DLEU7: variants seen among roughly 807,000 people sequenced by gnomAD.
The protein encoded by DLEU7 is deleted in lymphocytic leukemia 7, also known as leukemia-associated protein 7.
DLEU7 carries 17 observed loss-of-function variants against 16.0 expected under a neutral mutation model. That is an observed-to-expected ratio of 1.06 (90% CI 0.73 to 1.59). DLEU7 has a LOEUF of 1.59. DLEU7 is among the 40% of genes most tolerant of loss of function. The pLI is 0.00. For synonymous variants in DLEU7, 113 were observed against 139.8 expected (o/e 0.81, Z 1.35); for missense variants, 308 against 314.9 (o/e 0.98, Z 0.17).
chr13:50,773,554 C>T (rs1875394697), intron 1 of DLEU7, among the ~76,000 whole-genome samples: 1 of 152,172 alleles, frequency 6.6e-6, no homozygotes, highest in African/African-American at 2.4e-5. Context: ...TTGGAGTTTG[C>T]TGGAGGTCCA....
At chr13:50,723,419 C>T (rs1240871376) in intron 1 of DLEU7, among the ~76,000 whole-genome samples, 1 of 133,892 alleles carries the variant, frequency 7.5e-6, no homozygotes, top group Non-Finnish European at 1.7e-5. Context: ...TAATTGTACA[C>T]ACACACACAC....
At chr13:50,827,786 A>G (rs1293932784) in intron 1 of DLEU7, among the ~76,000 whole-genome samples, 1 of 152,190 alleles carries the variant, frequency 6.6e-6, no homozygotes, top group African/African-American at 2.4e-5. Context: ...AAAGCACTAA[A>G]AAAGATAGTA....
At chr13:50,755,493 T>C (rs1874727078) in intron 1 of DLEU7, among the ~76,000 whole-genome samples, 1 of 152,206 alleles carries the variant, frequency 6.6e-6, no homozygotes, top group Admixed American at 6.5e-5. Context: ...GCTGAGACTT[T>C]CCAGAACATT....
intron 1 of DLEU7, among the ~76,000 whole-genome samples, chr13:50,767,344 T>C (rs1875147455): frequency 6.6e-6 from 1 of 150,530 alleles, no homozygotes; most frequent in African/African-American, 2.5e-5. Flanking sequence ...TAGTCCCAGC[T>C]ACGCGGGAGG....
intron 1 of DLEU7, among the ~76,000 whole-genome samples, chr13:50,754,271 T>C (rs548536916): frequency 9.8e-5 from 15 of 152,372 alleles, no homozygotes; most frequent in Non-Finnish European, 1.9e-4. Flanking sequence ...CAGTGGAGTA[T>C]TGAAGTCCCC....
At chr13:50,753,003 G>A (rs761472060) in intron 1 of DLEU7, among the ~76,000 whole-genome samples, 33 of 152,108 alleles carry the variant, frequency 2.2e-4, no homozygotes, top group African/African-American at 4.8e-4. Flanking sequence ...GGTTCTCCTC[G>A]TCCCCACCAG....
At chr13:50,819,771 T>C (rs1315407837), downstream of DLEU7, among the ~76,000 whole-genome samples, 1 of 152,160 alleles carries the variant, frequency 6.6e-6, no homozygotes, top group African/African-American at 2.4e-5. Flanking sequence ...ATTTTGGAAT[T>C]TGAAATGACT....
intron 1 of DLEU7, among the ~76,000 whole-genome samples, chr13:50,714,329 C>T (rs1873376613): frequency 6.6e-6 from 1 of 152,196 alleles, no homozygotes; most frequent in African/African-American, 2.4e-5. Flanking sequence ...AATTCTCTTT[C>T]TGGGATCTCA....
intron 1 of DLEU7, among the ~76,000 whole-genome samples, chr13:50,718,088 C>T (rs1873489515): frequency 6.6e-6 from 1 of 152,042 alleles, no homozygotes; most frequent in Admixed American, 6.5e-5. Context: ...TTTTGTTTTA[C>T]AAGATCTGCA....
chr13:50,738,074 A>T (rs1874130438), intron 1 of DLEU7, among the ~76,000 whole-genome samples: 1 of 152,158 alleles, frequency 6.6e-6, no homozygotes, highest in African/African-American at 2.4e-5. Context: ...CATCCACAAC[A>T]TTCCCTTAAG....
At chr13:50,830,143 C>A (rs1258216046) in intron 1 of DLEU7, among the ~76,000 whole-genome samples, 1 of 152,176 alleles carries the variant, frequency 6.6e-6, no homozygotes, top group African/African-American at 2.4e-5. Context: ...GGTTTTGAAA[C>A]TTCTAAAGCC....
At chr13:50,738,855 A>T (rs1014106277) in intron 1 of DLEU7, among the ~76,000 whole-genome samples, 1 of 152,058 alleles carries the variant, frequency 6.6e-6, no homozygotes, top group African/African-American at 2.4e-5. Flanking sequence ...CATAAGCTTA[A>T]GCTGAAAATT....
chr13:50,725,628 A>G (rs556023017), intron 1 of DLEU7, among the ~76,000 whole-genome samples: 2 of 152,286 alleles, frequency 1.3e-5, no homozygotes, highest in Admixed American at 6.5e-5. Context: ...GAGCTAGTAG[A>G]TTTTAAAAAT....
chr13:50,779,297 T>A (rs1218861515), intron 1 of DLEU7, among the ~76,000 whole-genome samples: 1 of 152,204 alleles, frequency 6.6e-6, no homozygotes, highest in Non-Finnish European at 1.5e-5. Flanking sequence ...TTGTGGGATA[T>A]TCTTAAGTAC....
chr13:50,837,292 G>A (rs951534307), intron 1 of DLEU7, among the ~76,000 whole-genome samples: 2 of 152,056 alleles, frequency 1.3e-5, no homozygotes, highest in African/African-American at 4.8e-5. Flanking sequence ...TGCTCACCAG[G>A]CAAACCCAAA....
At chr13:50,769,898 T>C (rs1288964513) in intron 1 of DLEU7, among the ~76,000 whole-genome samples, 5 of 152,230 alleles carry the variant, frequency 3.3e-5, no homozygotes, top group African/African-American at 9.6e-5. Flanking sequence ...TTTCACGACA[T>C]TGATTCTTCC....
At chr13:50,779,653 G>A (rs553005396) in intron 1 of DLEU7, among the ~76,000 whole-genome samples, 1 of 152,240 alleles carries the variant, frequency 6.6e-6, no homozygotes, top group South Asian at 2.1e-4. Flanking sequence ...TGGATGTGCT[G>A]ACTTCCTCTC....
chr13:50,713,203 T>A (rs1873345663), exon 2 of DLEU7: 1 of 1,610,644 alleles, frequency 6.2e-7, no homozygotes, highest in Non-Finnish European at 8.5e-7. Context: ...CTCACACTCC[T>A]ACAGTGACCT....
At position 50,763,115 on chromosome 13, in the gene DLEU7, G is replaced by A. The variant is rs555175912; in HGVS notation, c.460-49875C>T. On this transcript the variant is annotated intron_variant, in intron 1 of 1. Transcript: ENST00000400393. ...GAGAGATCACCAACTGCACGCAGAG[G>A]GACAATGATGTGTGAGATGCAGAGG... 4.4e-4 allele frequency among the ~76,000 whole-genome samples: 67 copies of A among 152,218 alleles called. No homozygotes were observed. The South Asian group carries it at 8.9e-3, about 20-fold the overall frequency.
Sources: gnomAD v4.1 joint callset for allele counts (sites outside exome capture counted in the v4.1 genomes callset) on GRCh38, gnomAD v4.1.1 for gene constraint, MANE v1.5 for transcripts, NCBI Gene and HGNC (gene_info 2026-07-23, HGNC 2026-07-21) for gene names.